Variants in RASA2 observed in about 807,000 individuals in gnomAD.
The protein encoded by RASA2 is ras GTPase-activating protein 2.
In RASA2, 155 loss-of-function variants were observed where a neutral mutation model predicts 118.2. The ratio of observed to expected loss-of-function variants is 1.31; its 90% CI spans 1.15 to 1.50. The LOEUF (loss-of-function observed/expected upper bound fraction) is 1.50. RASA2 is among the 40% of genes most tolerant of loss of function. RASA2 has a pLI of 0.00. For synonymous variants in RASA2, 353 were observed against 349.1 expected, an observed-to-expected ratio of 1.01 and a Z score of -0.12; for missense variants, 1,016 against 1,009.6, an observed-to-expected ratio of 1.01 and a Z score of -0.09.
At chr3:141,543,054 C>T (rs1708570625) in intron 5 of RASA2, among the ~76,000 whole-genome samples, 1 of 151,894 alleles carries the variant, frequency 6.6e-6, no homozygotes, top group Admixed American at 6.6e-5. Flanking sequence ...GAATATTAGG[C>T]TTAAATATGC....
At chr3:141,554,870 A>G (rs1301859241) in intron 6 of RASA2, among the ~76,000 whole-genome samples, 1 of 152,208 alleles carries the variant, frequency 6.6e-6, no homozygotes, top group Non-Finnish European at 1.5e-5. Context: ...AAAAATGTTC[A>G]ATCTAGTGGA....
intron 5 of RASA2, among the ~76,000 whole-genome samples, chr3:141,547,937 A>C (rs1324852565): frequency 1.3e-5 from 2 of 152,168 alleles, no homozygotes; most frequent in African/African-American, 4.8e-5. Context: ...ATCAGTTGAA[A>C]TGATCATATG....
chr3:141,503,496 G>T (rs1038483742), intron 1 of RASA2, among the ~76,000 whole-genome samples: 10 of 152,126 alleles, frequency 6.6e-5, no homozygotes, highest in African/African-American at 2.4e-4. Context: ...TGATTTGATG[G>T]TGTTTATCTT....
At chr3:141,501,515 T>C (rs1454549978) in intron 1 of RASA2, among the ~76,000 whole-genome samples, 6 of 152,240 alleles carry the variant, frequency 3.9e-5, no homozygotes, top group Non-Finnish European at 5.9e-5. Context: ...TAGTTACCTC[T>C]TTTTACATAA....
rs2083708138 is a variant in RASA2, at chr3:141,615,041, T to C, written c.*2728T>C. On this transcript the variant is annotated 3_prime_UTR_variant, in exon 24 of 24. Transcript: ENST00000286364. ...AGAATTCTGCATAGCCTTTTAGGTG[T>C]TTTTACAGTATGTGAAAAATACAAG... is the stretch of plus-strand genomic sequence containing the variant. 1 of 152,178 alleles carries C rather than the reference T, an allele frequency of 6.6e-6. No homozygotes were observed. Among genetic ancestry groups the C allele is most frequent in the Non-Finnish European group, 1.5e-5 (1 of 68,024 alleles). 9.4% of individuals were successfully genotyped at this position (152,178 alleles called of 1,614,324 possible). A position where few individuals can be genotyped will look rare whatever the true frequency, so the allele number is the denominator to read the frequency against.
chr3:141,552,908 C>G (rs2082595213), intron 5 of RASA2, among the ~76,000 whole-genome samples: 1 of 152,170 alleles, frequency 6.6e-6, no homozygotes, highest in South Asian at 2.1e-4. Flanking sequence ...TTAGAAAATG[C>G]AGACCCTTAG....
Position 141,598,292 on chromosome 3 carries a change from T to C in RASA2, c.1934-9386T>C, listed in dbSNP as rs1188572647. On this transcript the variant is annotated intron_variant, in intron 19 of 23. Transcript: ENST00000286364. ...AGCAGTATATGAAAAGGACAATCCA[T>C]AATGAAGTGGGGTTTGTCCCAAGTA... 2.0e-5 allele frequency among the ~76,000 whole-genome samples: 3 copies of C among 152,304 alleles called. No individual in the cohort carries two copies. The East Asian group carries it at 5.8e-4, about 29-fold the overall frequency.
intron 8 of RASA2, 66 bp from the exon 9 acceptor site, chr3:141,559,828 C>T: frequency 7.8e-7 from 1 of 1,283,362 alleles, no homozygotes; most frequent in East Asian, 2.4e-5. Flanking sequence ...TAATTTGAAG[C>T]TGTTTTGTGG....
In RASA2 at chr3:141,599,241, GTT is replaced by G. The variant is rs577049346; in HGVS notation, c.1934-8420_1934-8419del. ...AAGATTGAGTTTCTTTGTTTTTTGGGTTTTTTTTTTTTTTTTTTGGTTTATAA... is the reference window on the plus strand; with the variant it reads ...AAGATTGAGTTTCTTTGTTTTTTGGGTTTTTTTTTTTTTTTTGGTTTATAA... On this transcript the variant is annotated intron_variant, in intron 19 of 23. Transcript: ENST00000286364. Among the ~76,000 whole-genome samples the G allele has an allele frequency of 7.9e-4, 93 of 117,756 alleles. No individual in the cohort carries two copies. The East Asian group carries it at 0.017, about 22-fold the overall frequency. The allele number at this position is 117,756 out of a possible 152,430, so 77.3% of individuals were successfully genotyped here. A position where few individuals can be genotyped will look rare whatever the true frequency, so the allele number is the denominator to read the frequency against.
chr3:141,542,154 A>G (rs2082414341), intron 5 of RASA2, among the ~76,000 whole-genome samples: 1 of 151,534 alleles, frequency 6.6e-6, no homozygotes, highest in Non-Finnish European at 1.5e-5. Context: ...CTATAACAAA[A>G]GGCGTTACTC....
At chr3:141,603,647 T>A (rs1412644767) in intron 19 of RASA2, among the ~76,000 whole-genome samples, 1 of 152,222 alleles carries the variant, frequency 6.6e-6, no homozygotes, top group Non-Finnish European at 1.5e-5. Flanking sequence ...TACAGTTGAT[T>A]GGTTTTCAAG....
rs761319076 is a variant in RASA2 at position 141,612,307 on chromosome 3, A to G, written c.2544A>G (p.Ala848=). ...GSKENPIVGK[A]S is the part of the protein sequence containing the mutation. Reference sequence around the variant, plus strand: ...GGGAAAATCCAATTGTTGGGAAAGCATCTTAGAGTTTAACAGATTGGTTCA... The same window carrying G: ...GGGAAAATCCAATTGTTGGGAAAGCGTCTTAGAGTTTAACAGATTGGTTCA... Residue 848 remains alanine (A), a synonymous_variant, in exon 24 of 24, where the codon GCA becomes GCG. Coordinates refer to ENST00000286364, the MANE Select transcript of RASA2 (RefSeq NM_006506.5). The G allele has an allele frequency of 5.0e-6, 8 of 1,589,274 alleles. No homozygotes were observed. Among genetic ancestry groups the G allele is most frequent in the Middle Eastern group, 3.3e-4 (2 of 5,998 alleles).
intron 1 of RASA2, among the ~76,000 whole-genome samples, chr3:141,490,460 T>C (rs759163686): frequency 6.6e-6 from 1 of 152,114 alleles, no homozygotes; most frequent in Non-Finnish European, 1.5e-5. Context: ...ACTTGTTAAG[T>C]TTCCTCTTAT....
At chr3:141,587,287 G>A (rs371705094) in intron 19 of RASA2, among the ~76,000 whole-genome samples, 11 of 152,196 alleles carry the variant, frequency 7.2e-5, no homozygotes, top group African/African-American at 2.7e-4. Flanking sequence ...CTTTACAAGT[G>A]GGCTATTTGT....
At chr3:141,531,446 GTA>G (rs1560012410) in intron 4 of RASA2, among the ~76,000 whole-genome samples, 1 of 150,958 alleles carries the variant, frequency 6.6e-6, no homozygotes, top group African/African-American at 2.4e-5. Flanking sequence ...ATGCATATGT[GTA>G]TATATGCATA....
At chr3:141,611,272 C>T (rs555754936) in intron 23 of RASA2, among the ~76,000 whole-genome samples, 1 of 152,192 alleles carries the variant, frequency 6.6e-6, no homozygotes, top group East Asian at 1.9e-4. Context: ...CAAGCTTGTT[C>T]CCCCATGGTC....
intron 7 of RASA2, 108 bp downstream of exon 7, chr3:141,556,020 A>T: frequency 3.6e-6 from 3 of 842,694 alleles, no homozygotes; most frequent in Non-Finnish European, 3.7e-6. Context: ...CAATTAATGC[A>T]GATAAGCATT....
At chr3:141,490,473 A>G (rs2081627989) in intron 1 of RASA2, among the ~76,000 whole-genome samples, 1 of 152,138 alleles carries the variant, frequency 6.6e-6, no homozygotes, top group Non-Finnish European at 1.5e-5. Flanking sequence ...CCTCTTATCC[A>G]ATTACATTAG....
At chr3:141,606,020 T>C (rs1307859460) in intron 19 of RASA2, among the ~76,000 whole-genome samples, 1 of 152,198 alleles carries the variant, frequency 6.6e-6, no homozygotes, top group Non-Finnish European at 1.5e-5. Flanking sequence ...TGTTGACTGC[T>C]GCTTAGCACA....
Sources: gnomAD v4.1 joint callset for allele counts (sites outside exome capture counted in the v4.1 genomes callset) on GRCh38, gnomAD v4.1.1 for gene constraint, MANE v1.5 for transcripts, NCBI Gene and HGNC (gene_info 2026-07-23, HGNC 2026-07-21) for gene names.